Variants in PCNT observed in about 807,000 individuals in gnomAD.
The protein encoded by PCNT is kendrin.
A neutral mutation model predicts 380.4 loss-of-function variants in PCNT; 319 were observed. The ratio of observed to expected loss-of-function variants is 0.84; its 90% CI spans 0.77 to 0.92. The LOEUF (loss-of-function observed/expected upper bound fraction) is 0.92. PCNT is among the 40% of genes least tolerant of loss of function. The pLI is 0.00. For synonymous variants in PCNT, 1,845 were observed against 1,735.2 expected, an observed-to-expected ratio of 1.06 and a Z score of -1.57; for missense variants, 4,400 against 4,255.3, an observed-to-expected ratio of 1.03 and a Z score of -0.95.
chr21:46,337,149 A>G (rs2083770570), intron 3 of PCNT, among the ~76,000 whole-genome samples: 1 of 151,962 alleles, frequency 6.6e-6, no homozygotes. Context: ...AAGTGCTGCC[A>G]CCATGCCTGG....
intron 15 of PCNT, among the ~76,000 whole-genome samples, chr21:46,381,463 G>A (rs1479453668): frequency 6.6e-6 from 1 of 152,064 alleles, no homozygotes; most frequent in East Asian, 1.9e-4. Context: ...TGTCACCAGT[G>A]CGAACTTGTG....
intron 15 of PCNT, among the ~76,000 whole-genome samples, chr21:46,369,127 A>C (rs1219413218): frequency 6.6e-6 from 1 of 152,242 alleles, no homozygotes; most frequent in African/African-American, 2.4e-5. Context: ...GAATATGTTC[A>C]GGCTCCCTCT....
Position 46,357,142 on chromosome 21 carries a change from T to G in PCNT, c.2105T>G (p.Leu702Trp). Residue 702 changes from leucine (L) to tryptophan (W), a missense_variant, in exon 13 of 47, where the codon TTG becomes TGG. Coordinates refer to ENST00000359568, the MANE Select transcript of PCNT (RefSeq NM_006031.6). ...IELLKIENRN[L>W]YGKLQHETRL... ...CTCCTAAAAATAGAAAATAGAAATTTGTATGGGAAGTTGCAGCATGAAACT... is the reference window on the plus strand; with the variant it reads ...CTCCTAAAAATAGAAAATAGAAATTGGTATGGGAAGTTGCAGCATGAAACT... 6.2e-7 allele frequency: 1 copy of G among 1,614,054 alleles called. No homozygotes were observed. The highest frequency in any genetic ancestry group is 1.3e-5 in the African/African-American group (1 of 75,028).
At chr21:46,419,397 C>T (rs2839247) in intron 31 of PCNT, among the ~76,000 whole-genome samples, 26,844 of 152,090 alleles carry the variant, frequency 0.18, 4,361 homozygotes, top group African/African-American at 0.43. Flanking sequence ...AATGTCTTCT[C>T]GTATTTGCTT....
At chr21:46,420,587 T>C (rs929185221) in intron 31 of PCNT, 2 of 152,386 alleles carry the variant, frequency 1.3e-5, no homozygotes, top group Non-Finnish European at 2.9e-5. Flanking sequence ...GCATGGTTTG[T>C]GCTGAAGGCA....
chr21:46,424,316 G>A (rs1006402660), intron 32 of PCNT, among the ~76,000 whole-genome samples: 4 of 152,216 alleles, frequency 2.6e-5, no homozygotes, highest in South Asian at 2.1e-4. Flanking sequence ...CCCTGCCTCC[G>A]CCGCTGCCAC....
rs371474470 is a variant in PCNT at position 46,402,494 on chromosome 21, A to G, written c.5115+11A>G. 66 of 1,613,850 alleles carry G rather than the reference A, an allele frequency of 4.1e-5. No homozygotes were observed. The African/African-American group carries it at 7.2e-4, about 18-fold the overall frequency. ...AACACGAGCTTGAAGGTAAGCTACCAAAGGTCCACGTGACGCCCGAGTTCA... is the reference window on the plus strand; with the variant it reads ...AACACGAGCTTGAAGGTAAGCTACCGAAGGTCCACGTGACGCCCGAGTTCA... On this transcript the variant is annotated intron_variant, in intron 27 of 46. Coordinates refer to ENST00000359568, the MANE Select transcript of PCNT (RefSeq NM_006031.6).
At chr21:46,407,340 C>CTTTTTTTTT (rs899881614) in intron 27 of PCNT, among the ~76,000 whole-genome samples, 2,459 of 106,312 alleles carry the variant, frequency 0.023, 52 homozygotes, top group Non-Finnish European at 0.03. Context: ...TATACTTTCT[C>CTTTTTTTTT]TTTTTTTTTT....
At chr21:46,394,589 G>A in intron 21 of PCNT, 1 of 915,890 alleles carries the variant, frequency 1.1e-6, no homozygotes, top group Non-Finnish European at 1.3e-6. Flanking sequence ...TGTTTGCACT[G>A]GATTTTGCAA....
intron 31 of PCNT, among the ~76,000 whole-genome samples, chr21:46,421,349 G>A (rs1307895418): frequency 6.6e-6 from 1 of 152,152 alleles, no homozygotes; most frequent in Admixed American, 6.5e-5. Context: ...CCTCCTCCTC[G>A]TCTGGGTCTC....
chr21:46,382,033 GCATTCAATGGCGGAAGCGCATTCACCA>G (rs2085565618), intron 16 of PCNT, among the ~76,000 whole-genome samples, 193 bp downstream of exon 16: 1 of 148,064 alleles, frequency 6.8e-6, no homozygotes, highest in African/African-American at 2.5e-5. Context: ...ACGGTGTTGT[GCATTCAATGGCGGAAGCGCATTCACCA>G]TGTTGTATAT....
At chr21:46,426,336 AT>A (rs35809541) in intron 33 of PCNT, among the ~76,000 whole-genome samples, 2 of 151,714 alleles carry the variant, frequency 1.3e-5, no homozygotes, top group Admixed American at 6.6e-5. Context: ...CTGGCCTAGG[AT>A]TTTTTTTAGC....
chr21:46,430,992 CTGG>C, intron 37 of PCNT: 1 of 985,452 alleles, frequency 1.0e-6, no homozygotes, highest in Non-Finnish European at 1.2e-6. Context: ...ACAAGGCAGG[CTGG>C]TGGTGGGGCC....
At chr21:46,338,033 C>G (rs912513056) in intron 3 of PCNT, among the ~76,000 whole-genome samples, 3 of 152,154 alleles carry the variant, frequency 2.0e-5, no homozygotes, top group Non-Finnish European at 4.4e-5. Flanking sequence ...TCCACCACAC[C>G]TGGCTAAGTT....
At position 46,397,272 on chromosome 21, in the gene PCNT, G is replaced by A; in HGVS notation, c.4224G>A (p.Arg1408=). 1 of 1,614,010 alleles carries A rather than the reference G, an allele frequency of 6.2e-7. No individual in the cohort carries two copies. Among genetic ancestry groups the A allele is most frequent in the Non-Finnish European group, 8.5e-7 (1 of 1,179,916 alleles). The stretch of plus-strand genomic sequence containing the variant: ...TCCTGTTTGCATCCTTAGCTCTCCG[G>A]AAGGAAGTGGAGGATCTGACCAAAG... The part of the protein sequence containing the change: ...TDAEAREAAL[R]KEVEDLTKEQ... The change falls in exon 22 of 47, where the codon CGG becomes CGA. Residue 1408 remains arginine, a synonymous_variant. Coordinates refer to ENST00000359568, the MANE Select transcript of PCNT (RefSeq NM_006031.6).
In PCNT at chr21:46,336,206, A is replaced by T. The variant is rs2146386158; in HGVS notation, c.639+1438A>T. ...TGGTCAGACTGGTCTCGAACTCCTG[A>T]CCTCAGGTGATCCTCCTGCCTTGGC... On this transcript the variant is annotated intron_variant, in intron 3 of 46. Coordinates refer to ENST00000359568, the MANE Select transcript of PCNT (RefSeq NM_006031.6). Among the ~76,000 whole-genome samples the T allele has an allele frequency of 1.3e-5, 2 of 152,200 alleles. 1 individual carries two copies. The highest frequency in any genetic ancestry group is 3.9e-4 in the East Asian group (2 of 5,180).
intron 7 of PCNT, 29 bp downstream of exon 7, chr21:46,349,215 G>A: frequency 6.3e-7 from 1 of 1,587,718 alleles, no homozygotes; most frequent in Non-Finnish European, 8.6e-7. Context: ...CAAGTTTGGA[G>A]TGGGACTGAA....
chr21:46,431,553 C>T lies in PCNT; in HGVS notation c.8089C>T (p.Gln2697Ter). The T allele has an allele frequency of 6.2e-7, 1 of 1,614,064 alleles. No individual in the cohort carries two copies. Among genetic ancestry groups the T allele is most frequent in the Non-Finnish European group, 8.5e-7 (1 of 1,179,968 alleles). Residue 2697 changes from glutamine to a stop codon, truncating the protein, a stop_gained, in exon 38 of 47, where the codon CAG (glutamine) becomes TAG (stop). Coordinates refer to ENST00000359568, the MANE Select transcript of PCNT (RefSeq NM_006031.6). LOFTEE classifies it high-confidence loss of function. ...GGAGCTGCGGGCGTCTTTGGAGACA[C>T]AGCGTGCTCAGAGCAGTCGACTCTG... Reference protein sequence around the residue: ...LEELRASLETQRAQSSRLCVA... With the variant: ...LEELRASLET
chr21:46,353,715 GGTGTGTGTGTGTGTGTGT>G (rs72175446), intron 10 of PCNT, among the ~76,000 whole-genome samples: 3 of 128,962 alleles, frequency 2.3e-5, no homozygotes, highest in South Asian at 2.6e-4. Context: ...CTCTCCTCCA[GGTGTGTGTGTGTGTGTGT>G]GTGTGTGTGT....
Sources: allele counts gnomAD v4.1 joint callset (sites outside exome capture counted in the v4.1 genomes callset), GRCh38; gene constraint gnomAD v4.1.1; transcripts MANE v1.5; gene names NCBI Gene and HGNC (gene_info 2026-07-23, HGNC 2026-07-21).